Variants in CHRNE observed in about 807,000 individuals in gnomAD.
CHRNE encodes acetylcholine receptor subunit epsilon.
Under a neutral mutation model 56.5 loss-of-function variants are expected in CHRNE, and 58 were observed. The ratio of observed to expected loss-of-function variants is 1.03; its 90% CI spans 0.83 to 1.28. The LOEUF is 1.28. Ranked by LOEUF, CHRNE falls within the 50% of genes most tolerant of loss-of-function variation. CHRNE has a pLI of 0.00. For missense variants in CHRNE, 793 were observed against 688.9 expected, an observed-to-expected ratio of 1.15 and a Z score of -1.69; for synonymous variants, 385 against 297.9, an observed-to-expected ratio of 1.29 and a Z score of -3.01.
In CHRNE at chr17:4,899,201, T is replaced by C. The variant is rs762165400; in HGVS notation, c.1216A>G (p.Thr406Ala). ...EGQRHRQGTW[T>A]AAFCQSLGAA... is the part of the protein sequence containing the mutation. ...GGGCCAGGGCCACTGTGCTCACCCG[T>C]CCAGGTCCCCTGCCGGTGCCTCTGC... Residue 406 changes from threonine to alanine, a missense_variant, in exon 10 of 12, where the codon ACG (threonine) becomes GCG (alanine). Coordinates refer to ENST00000649488, the MANE Select transcript of CHRNE (RefSeq NM_000080.4). The C allele has an allele frequency of 2.5e-5, 40 of 1,603,950 alleles. No individual in the cohort carries two copies. The highest frequency in any genetic ancestry group is 3.2e-5 in the Non-Finnish European group (38 of 1,177,538).
upstream of CHRNE, among the ~76,000 whole-genome samples, chr17:4,905,430 T>C (rs1416156282): frequency 1.3e-5 from 2 of 152,166 alleles, no homozygotes; most frequent in Admixed American, 6.5e-5. Context: ...CCAGGCATCA[T>C]GGTGCATGCC....
chr17:4,901,943 C>T lies in CHRNE; in HGVS notation c.489G>A (p.Ser163=), dbSNP rs2151098246. 2 of 1,606,880 alleles carry T rather than the reference C, an allele frequency of 1.2e-6. No individual in the cohort carries two copies. The highest frequency in any genetic ancestry group is 8.5e-7 in the Non-Finnish European group (1 of 1,176,634). The part of the protein sequence containing the change: ...TYFPFDWQNC[S]LIFRSQTYNA... ...GTAGCTCTTCCCACCGGAAAATAAG[C>T]GAACAGTTCTGCCAATCGAAGGGGA... Residue 163 remains serine (S), a synonymous_variant, in exon 5 of 12, where the codon TCG becomes TCA. Coordinates refer to ENST00000649488, the MANE Select transcript of CHRNE (RefSeq NM_000080.4).
In CHRNE at chr17:4,899,344, G is replaced by A. The variant is rs974582156; in HGVS notation, c.1073C>T (p.Pro358Leu). ...GGCGGCCCGGGGGGCCTCGGGCGGC[G>A]GCGGGGAGCCCAGGAGGCGCGGCAG... ...ELLPRLLGSP[P>L]PPEAPRAASP... Residue 358 changes from proline to leucine, a missense_variant, in exon 10 of 12, where the codon CCG becomes CTG. Pro to Leu is a moderately conservative substitution (Grantham distance 98). Transcript: ENST00000649488. 28 of 1,545,160 alleles carry A rather than the reference G, an allele frequency of 1.8e-5. No individual in the cohort carries two copies. Among genetic ancestry groups the A allele is most frequent in the Admixed American group, 4.0e-5 (2 of 50,602 alleles).
rs564549054 is a variant in CHRNE at position 4,898,164 on chromosome 17, G to C, written c.*572C>G. 2.8e-4 allele frequency: 48 copies of C among 172,614 alleles called. No individual in the cohort carries two copies. Among genetic ancestry groups the C allele is most frequent in the Admixed American group, 9.3e-4 (17 of 18,278 alleles). 10.7% of individuals were successfully genotyped at this position (172,614 alleles called of 1,614,324 possible). On this transcript the variant is annotated 3_prime_UTR_variant, in exon 12 of 12. Coordinates refer to ENST00000649488, the MANE Select transcript of CHRNE (RefSeq NM_000080.4). ...CAGGGTGGGCTGGGATCTGCAATGA[G>C]TGAGCCTCATGGGGTGGGATGGGCA...
At chr17:4,908,303 C>T (rs1376097448) in intron 1 of CHRNE, among the ~76,000 whole-genome samples, 2 of 152,220 alleles carry the variant, frequency 1.3e-5, no homozygotes, top group South Asian at 2.1e-4. Flanking sequence ...GGGCCTCACA[C>T]ATAGACCGCA....
rs756213541 is a variant in CHRNE at position 4,902,098 on chromosome 17, G to A, written c.345-11C>T. 2.5e-5 allele frequency: 41 copies of A among 1,613,798 alleles called. 1 individual carries two copies. Among genetic ancestry groups the A allele is most frequent in the African/African-American group, 2.3e-4 (17 of 74,906 alleles). ...AACTGGCCATCAATACTGTGGGCTC[G>A]GGGAAACCGAGCTTTTTGCACAGGT... On this transcript the variant is annotated splice_polypyrimidine_tract_variant and intron_variant, in intron 4 of 11. Transcript: ENST00000649488. This position sits in a 1 kb window ranked among gnomAD's most constrained non-coding sequence, Gnocchi z 4.0.
intron 1 of CHRNE, among the ~76,000 whole-genome samples, chr17:4,908,546 G>A (rs893229983): frequency 6.6e-6 from 1 of 152,176 alleles, no homozygotes; most frequent in African/African-American, 2.4e-5. Flanking sequence ...TCACAGTGAG[G>A]ACTGCCTCGG....
chr17:4,901,891 C>CGCCCG (rs1555546936), intron 5 of CHRNE, 41 bp downstream of exon 5: 1 of 1,606,302 alleles, frequency 6.2e-7, no homozygotes. Context: ...AAGGCCCCCC[C>CGCCCG]CCAACAATAA....
upstream of CHRNE, among the ~76,000 whole-genome samples, chr17:4,906,678 C>A (rs1970096116): frequency 6.6e-6 from 1 of 151,868 alleles, no homozygotes; most frequent in South Asian, 2.1e-4. Context: ...TATAGTGAGA[C>A]CTCATCTGTA....
chr17:4,903,138 G>A, upstream of CHRNE: 3 of 1,468,704 alleles, frequency 2.0e-6, no homozygotes, highest in Non-Finnish European at 2.8e-6. Context: ...CCTGTGTGAG[G>A]GGGAGGAGGG....
chr17:4,908,490 G>T (rs550404611), intron 1 of CHRNE, among the ~76,000 whole-genome samples: 6 of 125,664 alleles, frequency 4.8e-5, no homozygotes, highest in Admixed American at 4.5e-4. Flanking sequence ...TCCTGCCAGC[G>T]CTGGGAGCAA....
At position 4,902,353 on chromosome 17, in the gene CHRNE, G is replaced by C. The variant is rs200966979; in HGVS notation, c.235-27C>G. ...TAAGGGGTGGGGGATGGAAGGCCGC[G>C]TGCCCTGCATCTCCCACCTGGCGCT... On this transcript the variant is annotated intron_variant, in intron 3 of 11. Transcript: ENST00000649488. This position sits in a 1 kb window ranked among gnomAD's most constrained non-coding sequence, Gnocchi z 4.0. 6.2e-7 allele frequency: 1 copy of C among 1,613,084 alleles called. No homozygotes were observed. Among genetic ancestry groups the C allele is most frequent in the Admixed American group, 1.7e-5 (1 of 60,026 alleles).
chr17:4,901,674 C>G (rs1300092408), intron 5 of CHRNE, 49 bp from the exon 6 acceptor site: 1 of 1,551,194 alleles, frequency 6.4e-7, no homozygotes, highest in Non-Finnish European at 8.9e-7. Context: ...GACCTGGGCC[C>G]CGGCCTCAGG....
At position 4,902,668 on chromosome 17, in the gene CHRNE, T is replaced by C; in HGVS notation, c.142A>G (p.Thr48Ala). The change falls in exon 2 of 12, where the codon ACT becomes GCT. Residue 48 changes from threonine (T) to alanine (A), a missense_variant. Transcript: ENST00000649488. This position sits in a 1 kb window ranked among gnomAD's most constrained non-coding sequence, Gnocchi z 4.0. ...GTGACCTTGAGGCTGATGGTGACAG[T>C]ATCCTCAGGCTCCCGCACTGGCCGG... The part of the protein sequence containing the change: ...GSRPVREPED[T>A]VTISLKVTLT... 6.2e-7 allele frequency: 1 copy of C among 1,613,944 alleles called. No individual in the cohort carries two copies. The highest frequency in any genetic ancestry group is 1.3e-5 in the African/African-American group (1 of 74,962).
chr17:4,901,856 T>G (rs1597620874), intron 5 of CHRNE, 76 bp downstream of exon 5: 1 of 1,578,376 alleles, frequency 6.3e-7, no homozygotes, highest in South Asian at 1.1e-5. Flanking sequence ...CCGAGGGCGG[T>G]GCTTCCCGGT....
Position 4,899,274 on chromosome 17 carries a change from C to T in CHRNE, c.1143G>A (p.Ala381=), listed in dbSNP as rs942583372. ...RASSVGLLLR[A]EELILKKPRS... Reference sequence around the variant, plus strand: ...GTGGCTTTTTCAGTATCAGCTCCTCCGCGCGGAGCAATAAGCCCACCGACG... The same window carrying T: ...GTGGCTTTTTCAGTATCAGCTCCTCTGCGCGGAGCAATAAGCCCACCGACG... The change falls in exon 10 of 12, where the codon GCG becomes GCA. Residue 381 remains alanine (A), a synonymous_variant. Transcript: ENST00000649488. 45 of 1,601,894 alleles carry T rather than the reference C, an allele frequency of 2.8e-5. No homozygotes were observed. Among genetic ancestry groups the T allele is most frequent in the Non-Finnish European group, 3.7e-5 (44 of 1,178,512 alleles).
chr17:4,902,469 G>A lies in CHRNE; in HGVS notation c.215C>T (p.Thr72Ile), dbSNP rs776272606. The A allele has an allele frequency of 1.9e-6, 3 of 1,614,218 alleles. No individual in the cohort carries two copies. Among genetic ancestry groups the A allele is most frequent in the African/African-American group, 1.3e-5 (1 of 75,046 alleles). ...SLNEKEETLT[T>I]SVWIGIDWQD... ...ACTCACGATTCCAATCCAGACGCTA[G>A]TGGTGAGAGTCTCCTCTTTTTCATT... Residue 72 changes from threonine to isoleucine, a missense_variant, in exon 3 of 12, where the codon ACT becomes ATT. Physicochemically the swap from Thr to Ile is moderately conservative, Grantham distance 89. Transcript: ENST00000649488. The surrounding 1 kb of genome is among the most constrained non-coding windows in gnomAD (Gnocchi z 4.0).
At position 4,902,133 on chromosome 17, in the gene CHRNE, C is replaced by T. The variant is rs771464203; in HGVS notation, c.345-46G>A. On this transcript the variant is annotated intron_variant, in intron 4 of 11. Coordinates refer to ENST00000649488, the MANE Select transcript of CHRNE (RefSeq NM_000080.4). This position sits in a 1 kb window ranked among gnomAD's most constrained non-coding sequence, Gnocchi z 4.0. ...AGCTTTTTGCACAGGTCTGCACCCT[C>T]TCAGAGTACCCCCTTCCCCAACCAA... 1 of 1,613,674 alleles carries T rather than the reference C, an allele frequency of 6.2e-7. No individual in the cohort carries two copies. The highest frequency in any genetic ancestry group is 8.5e-7 in the Non-Finnish European group (1 of 1,179,916).
Position 4,900,909 on chromosome 17 carries a change from TGGAG to T in CHRNE, c.803-6_803-3del, listed in dbSNP as rs762704832. 14 of 1,614,060 alleles carry T rather than the reference TGGAG, an allele frequency of 8.7e-6. No individual in the cohort carries two copies. The highest frequency in any genetic ancestry group is 3.3e-5 in the Admixed American group (2 of 60,020). ...AGACCGTGCATTTCTGGCCGCCGGC[TGGAG>T]GGAGAGCCAGTGAGAGCGGGCCCCG... On this transcript the variant is annotated splice_polypyrimidine_tract_variant and splice_region_variant and intron_variant, in intron 7 of 11. Coordinates refer to ENST00000649488, the MANE Select transcript of CHRNE (RefSeq NM_000080.4).
Sources: allele counts gnomAD v4.1 joint callset (sites outside exome capture counted in the v4.1 genomes callset), GRCh38; gene constraint gnomAD v4.1.1; non-coding constraint Gnocchi (gnomAD v3.1); transcripts MANE v1.5; gene names NCBI Gene and HGNC (gene_info 2026-07-23, HGNC 2026-07-21).